G3BP1: variants seen among roughly 807,000 people sequenced by gnomAD.
G3BP1 encodes ras GTPase-activating protein-binding protein 1.
G3BP1 carries 35 observed loss-of-function variants against 58.6 expected under a neutral mutation model. The ratio of observed to expected loss-of-function variants is 0.60; its 90% CI spans 0.46 to 0.79. G3BP1 has a LOEUF of 0.79. Among genes scored for constraint, G3BP1 ranks in the 30% least tolerant of loss-of-function variants. The pLI is 0.00. For missense variants in G3BP1, 523 were observed against 580.8 expected, an observed-to-expected ratio of 0.90 and a Z score of 1.02; for synonymous variants, 191 against 195.4, an observed-to-expected ratio of 0.98 and a Z score of 0.19.
At chr5:151,799,188 G>A (rs768464320) in intron 7 of G3BP1, 24 bp from the exon 8 acceptor site, 1 of 1,088,578 alleles carries the variant, frequency 9.2e-7, no homozygotes, top group Non-Finnish European at 1.4e-6. Flanking sequence ...GTATAATTAT[G>A]TAATGTTGGT....
In G3BP1 at chr5:151,807,337, C is replaced by G. The variant is rs930611091; in HGVS notation, c.*3246C>G. 2.0e-5 allele frequency: 3 copies of G among 152,184 alleles called. No homozygotes were observed. Among genetic ancestry groups the G allele is most frequent in the African/African-American group, 7.2e-5 (3 of 41,438 alleles). 9.4% of individuals were successfully genotyped at this position (152,184 alleles called of 1,614,324 possible). A position where few individuals can be genotyped will look rare whatever the true frequency, so the allele number is the denominator to read the frequency against. On this transcript the variant is annotated 3_prime_UTR_variant, in exon 12 of 12. Coordinates refer to ENST00000356245, the MANE Select transcript of G3BP1 (RefSeq NM_005754.3). ...AGCACATTTGCCTCCCAAACTGATG[C>G]TTTTTCTCTAGAACCATAATGCCCC...
In G3BP1 at chr5:151,807,616, GAAT is replaced by G. The variant is rs1292818426; in HGVS notation, c.*3533_*3535del. The G allele has an allele frequency of 2.6e-5, 4 of 152,248 alleles. No individual in the cohort carries two copies. The highest frequency in any genetic ancestry group is 1.9e-4 in the East Asian group (1 of 5,190). The allele number at this position is 152,248 out of a possible 1,614,324, so 9.4% of individuals were successfully genotyped here. Reference sequence around the variant, plus strand: ...TAATGCAAACTTCAAATCTGGATGTGAATAATAATATTTTTATTATAGTATAAT... The same window carrying G: ...TAATGCAAACTTCAAATCTGGATGTGAATAATATTTTTATTATAGTATAAT... On this transcript the variant is annotated 3_prime_UTR_variant, in exon 12 of 12. Coordinates refer to ENST00000356245, the MANE Select transcript of G3BP1 (RefSeq NM_005754.3).
Position 151,786,698 on chromosome 5 carries a change from C to A in G3BP1, c.78C>A (p.Ala26=). ...AGTATTACACACTGCTGAACCAGGCCCCAGACATGCTGCATAGGTAAGACA... is the reference window on the plus strand; with the variant it reads ...AGTATTACACACTGCTGAACCAGGCACCAGACATGCTGCATAGGTAAGACA... The part of the protein sequence containing the change: ...VRQYYTLLNQ[A]PDMLHRFYGK... The change falls in exon 2 of 12, where the codon GCC becomes GCA. Residue 26 remains alanine (A), a synonymous_variant. Coordinates refer to ENST00000356245, the MANE Select transcript of G3BP1 (RefSeq NM_005754.3). The A allele has an allele frequency of 1.2e-6, 2 of 1,606,688 alleles. No individual in the cohort carries two copies. Among genetic ancestry groups the A allele is most frequent in the Non-Finnish European group, 1.7e-6 (2 of 1,173,296 alleles).
chr5:151,782,443 G>T (rs1183945724), intron 1 of G3BP1, among the ~76,000 whole-genome samples: 4 of 152,110 alleles, frequency 2.6e-5, no homozygotes, highest in Non-Finnish European at 5.9e-5. Context: ...CTTAAATTTG[G>T]ATGGTTCAGT....
chr5:151,787,814 A>C, intron 2 of G3BP1: 1 of 303,720 alleles, frequency 3.3e-6, no homozygotes, highest in Non-Finnish European at 6.7e-6. Flanking sequence ...AAAATTTATG[A>C]ATGTATTCAA....
chr5:151,803,541 G>A (rs939200101), intron 11 of G3BP1, among the ~76,000 whole-genome samples: 5 of 151,876 alleles, frequency 3.3e-5, no homozygotes, highest in African/African-American at 1.2e-4. Flanking sequence ...TTCCCAGACT[G>A]GAGTACAATG....
At chr5:151,795,026 C>A (rs1006735671) in intron 5 of G3BP1, among the ~76,000 whole-genome samples, 1 of 152,172 alleles carries the variant, frequency 6.6e-6, no homozygotes, top group Non-Finnish European at 1.5e-5. Context: ...GCCTGTAATT[C>A]CAGCACTTTG....
intron 1 of G3BP1, among the ~76,000 whole-genome samples, chr5:151,774,368 G>A (rs1479124080): frequency 6.6e-6 from 1 of 151,330 alleles, no homozygotes; most frequent in Non-Finnish European, 1.5e-5. Context: ...ACTCGTTCTA[G>A]TATTTTGCAT....
chr5:151,780,842 C>T (rs1039820189), intron 1 of G3BP1, among the ~76,000 whole-genome samples: 20 of 152,164 alleles, frequency 1.3e-4, no homozygotes, highest in African/African-American at 4.1e-4. Context: ...AGACCCTTAA[C>T]ATTTTTCTGT....
chr5:151,773,893 G>A (rs1433042), intron 1 of G3BP1, among the ~76,000 whole-genome samples: 3,052 of 152,148 alleles, frequency 0.02, 121 homozygotes, highest in African/African-American at 0.07. Context: ...TACTGCTTGA[G>A]GCAAAATAGA....
chr5:151,797,780 C>T (rs928086811), intron 7 of G3BP1, among the ~76,000 whole-genome samples: 1 of 152,132 alleles, frequency 6.6e-6, no homozygotes, highest in African/African-American at 2.4e-5. Context: ...TGCATAACAT[C>T]TTTTCAAGAA....
In G3BP1 at chr5:151,797,366, G is replaced by T. The variant is rs1762772427; in HGVS notation, c.679G>T (p.Ala227Ser). ...ATTAGAAGAAACTGCCCCTGAGGATGCTCAGAAGAGTTCTTCTCCAGCACC... is the reference window on the plus strand; with the variant it reads ...ATTAGAAGAAACTGCCCCTGAGGATTCTCAGAAGAGTTCTTCTCCAGCACC... ...PVLEETAPED[A>S]QKSSSPAPAD... is the part of the protein sequence containing the mutation. Residue 227 changes from alanine (A) to serine (S), a missense_variant, in exon 7 of 12, where the codon GCT becomes TCT. Around this residue, in one of 2 missense-constraint regions of G3BP1, gnomAD observed 398 missense variants for 399.1 expected, o/e 1.00. Coordinates refer to ENST00000356245, the MANE Select transcript of G3BP1 (RefSeq NM_005754.3). 9.3e-6 allele frequency: 15 copies of T among 1,613,862 alleles called. No individual in the cohort carries two copies. The South Asian group carries it at 1.6e-4, about 18-fold the overall frequency.
chr5:151,775,694 C>G (rs1762358250), intron 1 of G3BP1, among the ~76,000 whole-genome samples: 1 of 152,144 alleles, frequency 6.6e-6, no homozygotes, highest in South Asian at 2.1e-4. Context: ...AAGAATTTTG[C>G]GGATGAGCAT....
rs1392857099 is a variant in G3BP1, at chr5:151,807,083, T to C, written c.*2992T>C. 6.6e-6 allele frequency: 1 copy of C among 152,198 alleles called. No homozygotes were observed. The highest frequency in any genetic ancestry group is 2.1e-4 in the South Asian group (1 of 4,830). The allele number at this position is 152,198 out of a possible 1,614,324, so 9.4% of individuals were successfully genotyped here. A position where few individuals can be genotyped will look rare whatever the true frequency, so the allele number is the denominator to read the frequency against. On this transcript the variant is annotated 3_prime_UTR_variant, in exon 12 of 12. Coordinates refer to ENST00000356245, the MANE Select transcript of G3BP1 (RefSeq NM_005754.3). ...TTGTGTATTCCAGCGTTCTCAACTT[T>C]GTCAGATATTGCTAGGGACCAGTGA...
At chr5:151,786,366 G>A (rs999762568) in intron 1 of G3BP1, among the ~76,000 whole-genome samples, 6 of 152,142 alleles carry the variant, frequency 3.9e-5, no homozygotes, top group African/African-American at 1.2e-4. Context: ...GAATATTGGG[G>A]ATAATGATGA....
At chr5:151,782,363 T>C (rs955973945) in intron 1 of G3BP1, among the ~76,000 whole-genome samples, 1 of 152,192 alleles carries the variant, frequency 6.6e-6, no homozygotes, top group Non-Finnish European at 1.5e-5. Flanking sequence ...AAAATAACAC[T>C]CAGTTTTAAA....
Position 151,791,008 on chromosome 5 carries a change from T to A in G3BP1, c.297T>A (p.Ser99=), listed in dbSNP as rs776918162. 5.6e-6 allele frequency: 9 copies of A among 1,613,912 alleles called. No individual in the cohort carries two copies. In the South Asian group the frequency reaches 8.8e-5, roughly 16 times the overall value. Residue 99 remains serine (S), a synonymous_variant, in exon 4 of 12, where the codon TCT becomes TCA. Coordinates refer to ENST00000356245, the MANE Select transcript of G3BP1 (RefSeq NM_005754.3). ...GVVVQVMGLL[S]NNNQALRRFM... The stretch of plus-strand genomic sequence containing the variant: ...TAGTCCAGGTGATGGGGCTTCTCTC[T>A]AACAACAACCAGGCTTTGAGGAGAT...
At chr5:151,792,632 C>T (rs1360340165) in intron 4 of G3BP1, among the ~76,000 whole-genome samples, 3 of 152,074 alleles carry the variant, frequency 2.0e-5, no homozygotes, top group African/African-American at 7.2e-5. Context: ...AGAGAAGAGT[C>T]TCCCTGTGTT....
intron 1 of G3BP1, among the ~76,000 whole-genome samples, chr5:151,775,863 A>G (rs1762360612): frequency 6.6e-6 from 1 of 152,220 alleles, no homozygotes; most frequent in Non-Finnish European, 1.5e-5. Flanking sequence ...TTTTTCTTTC[A>G]GGAAAACAGT....
Sources: gnomAD v4.1 joint callset for allele counts (sites outside exome capture counted in the v4.1 genomes callset) on GRCh38, gnomAD v4.1.1 for gene constraint, gnomAD v4.1.1 regional missense constraint, MANE v1.5 for transcripts, NCBI Gene and HGNC (gene_info 2026-07-23, HGNC 2026-07-21) for gene names.